LMNTD1: variants seen among roughly 807,000 people sequenced by gnomAD.
LMNTD1 encodes the protein lamin tail domain-containing protein 1.
In LMNTD1, 35 loss-of-function variants were observed where a neutral mutation model predicts 50.9. The ratio of observed to expected loss-of-function variants is 0.69; its 90% CI spans 0.53 to 0.91. LMNTD1 has a LOEUF of 0.91. Ranked by LOEUF, LMNTD1 falls within the 40% of genes least tolerant of loss-of-function variation. The pLI is 0.00. For missense variants in LMNTD1, 470 were observed against 475.5 expected, an observed-to-expected ratio of 0.99 and a Z score of 0.11; for synonymous variants, 153 against 161.9, an observed-to-expected ratio of 0.94 and a Z score of 0.42.
rs1273692107 is a variant in LMNTD1, at chr12:25,605,024, C to T, written c.58+43470G>A. On this transcript the variant is annotated intron_variant, in intron 1 of 7. Coordinates refer to the LMNTD1 transcript ENST00000445693. ...TCCAGCACCTGTTGTTTCCTGACTT[C>T]TTAATGATTGCCATTCTAACTGGTG... is the stretch of plus-strand genomic sequence containing the variant. Among the ~76,000 whole-genome samples the T allele has an allele frequency of 3.2e-4, 48 of 151,664 alleles. No homozygotes were observed. The East Asian group carries it at 8.4e-3, about 26-fold the overall frequency.
intron 1 of LMNTD1, among the ~76,000 whole-genome samples, chr12:25,634,590 T>C (rs1360422977): frequency 3.9e-5 from 6 of 152,172 alleles, no homozygotes; most frequent in Non-Finnish European, 5.9e-5. Flanking sequence ...CCCACGATTA[T>C]CTCAATAAAT....
rs552011353 is a variant in LMNTD1 at position 25,579,363 on chromosome 12, G to A, written c.59-32809C>T. ...ATTAGCTATTGTAAGTAATCTAGAG[G>A]TAATTTAAAGTATACAGGTGGTATG... On this transcript the variant is annotated intron_variant, in intron 1 of 7. Coordinates refer to the LMNTD1 transcript ENST00000445693. Among the ~76,000 whole-genome samples the A allele has an allele frequency of 2.6e-5, 4 of 152,154 alleles. No homozygotes were observed. In the South Asian group the frequency reaches 6.2e-4, roughly 24 times the overall value.
chr12:25,594,136 A>G (rs370019427), intron 1 of LMNTD1, among the ~76,000 whole-genome samples: 30 of 152,362 alleles, frequency 2.0e-4, no homozygotes, highest in African/African-American at 7.0e-4. Context: ...TTTGGAAAAC[A>G]TACTTGGGGA....
In LMNTD1 at chr12:25,576,923, T is replaced by C. The variant is rs897144832; in HGVS notation, c.59-30369A>G. 2.6e-4 allele frequency among the ~76,000 whole-genome samples: 40 copies of C among 152,200 alleles called. 1 individual carries two copies. The highest frequency in any genetic ancestry group is 9.4e-4 in the African/African-American group (39 of 41,450). ...CTTTCTACATATGGCTAGCCAGTTT[T>C]CCCAGCACCATTTATTAAATAGGGA... On this transcript the variant is annotated intron_variant, in intron 1 of 7. Transcript: ENST00000445693.
Position 25,520,086 on chromosome 12 carries a change from T to C in LMNTD1, c.799-11A>G, listed in dbSNP as rs747368015. 6.3e-7 allele frequency: 1 copy of C among 1,577,608 alleles called. No homozygotes were observed. The highest frequency in any genetic ancestry group is 1.1e-5 in the South Asian group (1 of 89,380). ...GTACCACGCAATGGCCTAATGAAAA[T>C]GATTTATTAATGTTGGCTATGTATA... On this transcript the variant is annotated splice_polypyrimidine_tract_variant and intron_variant, in intron 6 of 9. Transcript: ENST00000458174.
In LMNTD1 at chr12:25,528,645, C is replaced by T. The variant is rs145709195; in HGVS notation, c.492-1690G>A. The stretch of plus-strand genomic sequence containing the variant: ...GCCATCAGAGAGAATAGTGTATTTC[C>T]CTGCTTCACACTTAGAAACAGACTC... On this transcript the variant is annotated intron_variant, in intron 4 of 9. Transcript: ENST00000458174. 3.0e-3 allele frequency among the ~76,000 whole-genome samples: 455 copies of T among 152,222 alleles called. 6 individuals carry two copies. Among genetic ancestry groups the T allele is most frequent in the East Asian group, 0.026 (132 of 5,174 alleles).
chr12:25,520,429 G>C (rs558022634), intron 6 of LMNTD1, among the ~76,000 whole-genome samples: 2 of 151,870 alleles, frequency 1.3e-5, no homozygotes, highest in Admixed American at 6.6e-5. Context: ...CTCTTTCTCT[G>C]TATGTTTGAC....
intron 1 of LMNTD1, among the ~76,000 whole-genome samples, chr12:25,559,822 C>G (rs1477141614): frequency 1.3e-5 from 2 of 152,194 alleles, no homozygotes; most frequent in Non-Finnish European, 2.9e-5. Flanking sequence ...TTTCACGTGT[C>G]TGTTCACTGC....
chr12:25,600,160 T>A (rs758497221), intron 1 of LMNTD1, among the ~76,000 whole-genome samples: 3 of 151,962 alleles, frequency 2.0e-5, no homozygotes, highest in Admixed American at 6.6e-5. Context: ...TACAGCGAAC[T>A]CATTTTTGAA....
Position 25,520,038 on chromosome 12 carries a change from G to T in LMNTD1, c.836C>A (p.Ala279Glu), listed in dbSNP as rs777251354. The T allele has an allele frequency of 1.2e-6, 2 of 1,612,292 alleles. No individual in the cohort carries two copies. The highest frequency in any genetic ancestry group is 1.7e-6 in the Non-Finnish European group (2 of 1,179,472). The change falls in exon 7 of 10, where the codon GCG becomes GAG. Residue 279 changes from alanine to glutamate, a missense_variant. By Grantham distance (107) the Ala-to-Glu change is moderately radical (BLOSUM62 -1). Coordinates refer to ENST00000458174, the MANE Select transcript of LMNTD1 (RefSeq NM_001145728.2). ...AWYTPIHWKQ[A>E]WEKLDADVEF... ...AACGTCAGCATCTAATTTTTCCCAC[G>T]CTTGCTTCCAGTGGATAGGGGTGTA...
At chr12:25,531,461 T>C (rs1478082612) in intron 4 of LMNTD1, among the ~76,000 whole-genome samples, 7 of 152,262 alleles carry the variant, frequency 4.6e-5, no homozygotes, top group Non-Finnish European at 1.0e-4. Flanking sequence ...TTATTCTATT[T>C]TTCTGTTGAT....
chr12:25,484,957 A>G (rs1938573881), intron 9 of LMNTD1, among the ~76,000 whole-genome samples: 2 of 152,042 alleles, frequency 1.3e-5, no homozygotes, highest in Middle Eastern at 3.4e-3. Context: ...TAATGCTGCA[A>G]TAAACATATG....
chr12:25,647,106 G>GT (rs1174195031), intron 1 of LMNTD1, among the ~76,000 whole-genome samples: 1 of 152,120 alleles, frequency 6.6e-6, no homozygotes, highest in Non-Finnish European at 1.5e-5. Flanking sequence ...GATTGAATAG[G>GT]TTTTTGATAC....
chr12:25,563,171 T>G (rs1469418359), intron 1 of LMNTD1, among the ~76,000 whole-genome samples: 2 of 152,264 alleles, frequency 1.3e-5, no homozygotes, highest in Non-Finnish European at 2.9e-5. Context: ...CATCCAGCTT[T>G]GTTCCATTGC....
intron 1 of LMNTD1, among the ~76,000 whole-genome samples, chr12:25,615,321 G>T (rs1002144495): frequency 2.6e-5 from 4 of 152,132 alleles, no homozygotes; most frequent in African/African-American, 9.7e-5. Flanking sequence ...TAGAGTGTGT[G>T]AGGTAATTCA....
At chr12:25,612,074 T>A (rs1181189261) in intron 1 of LMNTD1, among the ~76,000 whole-genome samples, 2 of 152,188 alleles carry the variant, frequency 1.3e-5, no homozygotes, top group Admixed American at 1.3e-4. Flanking sequence ...ATTGTACCTA[T>A]TCAAAGGTTT....
exon 1 of LMNTD1, chr12:25,648,537 C>A: frequency 1.3e-6 from 2 of 1,551,720 alleles, no homozygotes; most frequent in Non-Finnish European, 1.7e-6. Context: ...CTCCTGCTCT[C>A]ACTGGCTGTT....
chr12:25,594,316 C>T (rs953644605), intron 1 of LMNTD1, among the ~76,000 whole-genome samples: 31 of 152,034 alleles, frequency 2.0e-4, no homozygotes, highest in African/African-American at 7.0e-4. Context: ...TGAGGCAAAA[C>T]CACCAGGTAT....
intron 1 of LMNTD1, among the ~76,000 whole-genome samples, chr12:25,647,824 G>C (rs1169833675): frequency 1.3e-5 from 2 of 152,124 alleles, no homozygotes; most frequent in African/African-American, 2.4e-5. Context: ...GGTTCCTCTT[G>C]ACTATTACAG....
Sources: allele counts gnomAD v4.1 joint callset (sites outside exome capture counted in the v4.1 genomes callset), GRCh38; gene constraint gnomAD v4.1.1; transcripts MANE v1.5; gene names NCBI Gene and HGNC (gene_info 2026-07-23, HGNC 2026-07-21).